The following MED12L variants were observed in gnomAD, a reference collection of about 807,000 sequenced individuals.
MED12L encodes the protein mediator of RNA polymerase II transcription subunit 12-like protein.
In MED12L, 60 loss-of-function variants were observed where a neutral mutation model predicts 281.3. The observed-to-expected ratio is 0.21, with a 90% CI of 0.17 to 0.26. The LOEUF (loss-of-function observed/expected upper bound fraction) is 0.26. Ranked by LOEUF, MED12L falls within the 10% of genes least tolerant of loss-of-function variation. The pLI is 1.00. For synonymous variants in MED12L, 974 were observed against 987.2 expected (o/e 0.99, Z 0.25); for missense variants, 2,146 against 2,680.9 (o/e 0.80, Z 4.41).
intron 16 of MED12L, among the ~76,000 whole-genome samples, chr3:151,238,662 A>G (rs776111118): frequency 8.0e-5 from 12 of 149,520 alleles, no homozygotes; most frequent in Non-Finnish European, 1.6e-4. Flanking sequence ...TGTTCATTGC[A>G]TTTTATACCT....
intron 42 of MED12L, among the ~76,000 whole-genome samples, chr3:151,415,638 G>T (rs1230995743): frequency 6.6e-6 from 1 of 152,180 alleles, no homozygotes; most frequent in Non-Finnish European, 1.5e-5. Context: ...GAAGTGTTTG[G>T]GTGGAGGAAA....
chr3:151,376,461 CAG>C (rs913257982), intron 28 of MED12L, among the ~76,000 whole-genome samples: 18 of 152,034 alleles, frequency 1.2e-4, no homozygotes, highest in Non-Finnish European at 2.5e-4. Context: ...AAATATGCTT[CAG>C]AGAGGGGCTA....
At chr3:151,124,292 T>A (rs1312435997) in intron 4 of MED12L, among the ~76,000 whole-genome samples, 2 of 152,236 alleles carry the variant, frequency 1.3e-5, no homozygotes, top group Non-Finnish European at 2.9e-5. Flanking sequence ...TGAATCATGG[T>A]GCAGTGTGTT....
At chr3:151,195,141 C>T (rs113981448) in intron 16 of MED12L, among the ~76,000 whole-genome samples, 11,189 of 152,054 alleles carry the variant, frequency 0.074, 936 homozygotes, top group African/African-American at 0.2. Context: ...CCAGCCTGGG[C>T]GACAGAGGGA....
intron 2 of MED12L, among the ~76,000 whole-genome samples, chr3:151,114,552 C>T (rs1261382970): frequency 6.6e-6 from 1 of 152,148 alleles, no homozygotes; most frequent in Non-Finnish European, 1.5e-5. Flanking sequence ...TCAGCAGTTA[C>T]ATAGAGGAAT....
intron 2 of MED12L, among the ~76,000 whole-genome samples, chr3:151,095,663 A>G (rs970059759): frequency 3.3e-5 from 5 of 152,174 alleles, no homozygotes; most frequent in African/African-American, 4.8e-5. Flanking sequence ...GATGGCAGAC[A>G]CTTTGTTGGC....
intron 16 of MED12L, among the ~76,000 whole-genome samples, chr3:151,339,709 A>G (rs796735222): frequency 3.3e-5 from 5 of 152,268 alleles, no homozygotes; most frequent in African/African-American, 1.2e-4. Flanking sequence ...TCCTCAAAAC[A>G]GGGCATACTT....
At position 151,355,868 on chromosome 3, in the gene MED12L, T is replaced by TA. The variant is rs758243337; in HGVS notation, c.2518-27dup. The stretch of plus-strand genomic sequence containing the variant: ...AAAAGATTATTTAGAATATTGGTCT[T>TA]ACAATATTTTTGTTTTTATTTGCAC... On this transcript the variant is annotated intron_variant, in intron 18 of 44. Transcript: ENST00000687756. 21 of 1,575,422 alleles carry TA rather than the reference T, an allele frequency of 1.3e-5. 1 individual carries two copies. The South Asian group carries it at 1.6e-4, about 12-fold the overall frequency.
chr3:151,210,835 C>A (rs1727051076), intron 16 of MED12L, among the ~76,000 whole-genome samples: 1 of 152,244 alleles, frequency 6.6e-6, no homozygotes, highest in African/African-American at 2.4e-5. Context: ...GGCAGAGACT[C>A]TGAGGCAGAG....
chr3:151,315,899 G>A (rs548009906), intron 16 of MED12L, among the ~76,000 whole-genome samples: 2 of 152,174 alleles, frequency 1.3e-5, no homozygotes, highest in South Asian at 2.1e-4. Context: ...TCTACTTTAG[G>A]CTCATCTATC....
intron 16 of MED12L, among the ~76,000 whole-genome samples, chr3:151,199,991 CAAAA>C (rs768550322): frequency 3.3e-5 from 5 of 151,952 alleles, no homozygotes; most frequent in African/African-American, 7.2e-5. Context: ...AAAAAACAAA[CAAAA>C]AAACCCACAA....
chr3:151,131,337 A>C (rs527506461), intron 5 of MED12L, among the ~76,000 whole-genome samples: 1 of 152,342 alleles, frequency 6.6e-6, no homozygotes, highest in East Asian at 1.9e-4. Flanking sequence ...ATGGTGGCTC[A>C]TGCCTATAAT....
At chr3:151,102,178 T>C (rs1488765297) in intron 2 of MED12L, among the ~76,000 whole-genome samples, 1 of 152,226 alleles carries the variant, frequency 6.6e-6, no homozygotes, top group Non-Finnish European at 1.5e-5. Context: ...CTTTGGTTTA[T>C]ACTGCTTGTC....
chr3:151,380,012 T>A, intron 31 of MED12L, 101 bp from the exon 32 acceptor site: 1 of 697,666 alleles, frequency 1.4e-6, no homozygotes, highest in African/African-American at 1.8e-5. Flanking sequence ...ATTTACCACC[T>A]CTCTTATTTA....
At chr3:151,411,612 C>A (rs1406887022) in intron 41 of MED12L, 105 bp downstream of exon 41, 2 of 1,015,392 alleles carry the variant, frequency 2.0e-6, no homozygotes, top group Non-Finnish European at 2.9e-6. Flanking sequence ...TATGAGCTTG[C>A]ATATTTGCAG....
Position 151,164,014 on chromosome 3 carries a change from C to G in MED12L, c.1229C>G (p.Pro410Arg). ...GTGGCCCCGTCCAGCCTCCCCATGC[C>G]GGGTGGGAACACGGCTTTCAATCAG... is the stretch of plus-strand genomic sequence containing the variant. ...LQVAPSSLPM[P>R]GGNTAFNQQV... Residue 410 changes from proline (P) to arginine (R), a missense_variant, in exon 9 of 45, where the codon CCG (proline) becomes CGG (arginine). By Grantham distance (103) the Pro-to-Arg change is moderately radical. Transcript: ENST00000687756. 1 of 1,613,490 alleles carries G rather than the reference C, an allele frequency of 6.2e-7. No homozygotes were observed.
intron 44 of MED12L, 99 bp from the exon 45 acceptor site, chr3:151,432,653 T>TGGTACC: frequency 1.2e-6 from 1 of 855,758 alleles, no homozygotes; most frequent in Non-Finnish European, 1.9e-6. Flanking sequence ...TGTTTCCCTG[T>TGGTACC]ACCTGCAGCT....
At position 151,141,178 on chromosome 3, in the gene MED12L, G is replaced by GTTTTTTTTTTTTTTT. The variant is rs370095367; in HGVS notation, c.556+13202_556+13203insTTTTTTTTTTTTTTT. On this transcript the variant is annotated intron_variant, in intron 5 of 44. Transcript: ENST00000687756. ...CACCGTGCCTGGCGTTTTTTTTTTT[G>GTTTTTTTTTTTTTTT]TTTTTTTTGTTTTTTTTTTTTTGTT... Among the ~76,000 whole-genome samples the GTTTTTTTTTTTTTTT allele has an allele frequency of 1.3e-4, 13 of 102,232 alleles. No individual in the cohort carries two copies. The East Asian group carries it at 1.3e-3, about 10-fold the overall frequency. 67.1% of individuals were successfully genotyped at this position (102,232 alleles called of 152,430 possible).
At chr3:151,214,419 A>G (rs1727788815) in intron 16 of MED12L, 5 of 981,186 alleles carry the variant, frequency 5.1e-6, no homozygotes, top group South Asian at 3.2e-5. Flanking sequence ...GGCAAAGGGC[A>G]ATGAATATAG....
Sources: gnomAD v4.1 joint callset for allele counts (sites outside exome capture counted in the v4.1 genomes callset) on GRCh38, gnomAD v4.1.1 for gene constraint, MANE v1.5 for transcripts, NCBI Gene and HGNC (gene_info 2026-07-23, HGNC 2026-07-21) for gene names.